Variants in ZBTB38 observed in about 807,000 individuals in gnomAD.
ZBTB38 encodes zinc finger and BTB domain-containing protein 38.
ZBTB38 carries 20 observed loss-of-function variants against 76.8 expected under a neutral mutation model. That is an observed-to-expected ratio of 0.26 (90% confidence interval 0.18 to 0.38). The LOEUF (loss-of-function observed/expected upper bound fraction) is 0.38, where lower values mean the gene tolerates loss of function less well. Ranked by LOEUF, ZBTB38 falls within the 10% of genes least tolerant of loss-of-function variation. The pLI is 1.00. For synonymous variants in ZBTB38, 504 were observed against 544.2 expected, an observed-to-expected ratio of 0.93 and a Z score of 1.03; for missense variants, 1,082 against 1,482.3, an observed-to-expected ratio of 0.73 and a Z score of 4.43.
At position 141,444,982 on chromosome 3, in the gene ZBTB38, G is replaced by A; in HGVS notation, c.2594G>A (p.Arg865Lys). The A allele has an allele frequency of 6.2e-7, 1 of 1,614,174 alleles. No individual in the cohort carries two copies. The highest frequency in any genetic ancestry group is 8.5e-7 in the Non-Finnish European group (1 of 1,180,034). The change falls in exon 6 of 6, where the codon AGA (arginine) becomes AAA (lysine). Residue 865 changes from arginine to lysine, a missense_variant. Physicochemically the swap from Arg to Lys is conservative, Grantham distance 26. Coordinates refer to ENST00000321464, the MANE Select transcript of ZBTB38 (RefSeq NM_001376113.1). This position sits in a 1 kb window ranked among gnomAD's most constrained non-coding sequence, Gnocchi z 5.1. ...GSKLFYKRGR[R>K]PKYQMQEEPL... ...AAATTGTTTTATAAAAGAGGGAGAA[G>A]ACCCAAGTATCAGATGCAGGAGGAG...
chr3:141,445,733 G>A lies in ZBTB38; in HGVS notation c.3345G>A (p.Arg1115=), dbSNP rs766851331. ...CCACCAAAAGGAATCACGAGCAGAG[G>A]CATATTCGGGAGCATAATGGGAAGG... is the stretch of plus-strand genomic sequence containing the variant. ...YLSTKRNHEQ[R]HIREHNGKGY... Residue 1115 remains arginine (R), a synonymous_variant, in exon 6 of 6, where the codon AGG becomes AGA. Transcript: ENST00000321464. The surrounding 1 kb of genome is among the most constrained non-coding windows in gnomAD (Gnocchi z 6.5). The A allele has an allele frequency of 6.2e-7, 1 of 1,614,206 alleles. No homozygotes were observed. Among genetic ancestry groups the A allele is most frequent in the South Asian group, 1.1e-5 (1 of 91,090 alleles).
At chr3:141,359,542 T>C (rs973018474) in intron 1 of ZBTB38, among the ~76,000 whole-genome samples, 6 of 152,180 alleles carry the variant, frequency 3.9e-5, no homozygotes, top group Admixed American at 6.5e-5. Flanking sequence ...AGATCCAGGA[T>C]AGTAGAGCAT....
intron 5 of ZBTB38, among the ~76,000 whole-genome samples, chr3:141,439,202 T>C (rs1165178704): frequency 6.6e-6 from 1 of 152,188 alleles, no homozygotes; most frequent in Non-Finnish European, 1.5e-5. Context: ...CTTGCCTTCC[T>C]CCTGTTCATA....
At chr3:141,362,380 G>A (rs1032472672) in intron 1 of ZBTB38, among the ~76,000 whole-genome samples, 2 of 152,048 alleles carry the variant, frequency 1.3e-5, no homozygotes, top group Non-Finnish European at 2.9e-5. Flanking sequence ...GATTCTCAGA[G>A]GTTATGATCT....
At chr3:141,399,987 C>CTTTTTTTTTTTT (rs557587979) in intron 4 of ZBTB38, among the ~76,000 whole-genome samples, 1 of 80,464 alleles carries the variant, frequency 1.2e-5, no homozygotes, top group African/African-American at 4.5e-5. Flanking sequence ...GAAAGTCTTG[C>CTTTTTTTTTTTT]TTTTTTTTTT....
At chr3:141,432,136 G>A (rs764214096) in intron 5 of ZBTB38, 12 of 985,342 alleles carry the variant, frequency 1.2e-5, no homozygotes, top group South Asian at 4.7e-5. Flanking sequence ...ATCCTTTGTC[G>A]GAAAACTTTC....
chr3:141,437,312 G>A (rs6806692), intron 5 of ZBTB38, among the ~76,000 whole-genome samples: 2,115 of 152,198 alleles, frequency 0.014, 74 homozygotes, highest in African/African-American at 0.049. Context: ...CTCAATTCCA[G>A]CAGCAGGATC....
chr3:141,402,507 C>CGCGGA (rs1952489327), intron 4 of ZBTB38: 1 of 148,984 alleles, frequency 6.7e-6, no homozygotes, highest in African/African-American at 2.5e-5. Context: ...CGAGGCGCGG[C>CGCGGA]CTGCGGGCGC....
Position 141,445,328 on chromosome 3 carries a change from C to G in ZBTB38, c.2940C>G (p.Pro980=). The G allele has an allele frequency of 6.2e-7, 1 of 1,614,088 alleles. No homozygotes were observed. Among genetic ancestry groups the G allele is most frequent in the Non-Finnish European group, 8.5e-7 (1 of 1,180,020 alleles). The change falls in exon 6 of 6, where the codon CCC becomes CCG. Residue 980 remains proline (P), a synonymous_variant. Coordinates refer to ENST00000321464, the MANE Select transcript of ZBTB38 (RefSeq NM_001376113.1). This position sits in a 1 kb window ranked among gnomAD's most constrained non-coding sequence, Gnocchi z 6.5. ...PFEEEETKEM[P]KLQCELCDGD... is the part of the protein sequence containing the mutation. ...AGGAAGAAGAAACTAAAGAGATGCC[C>G]AAGCTGCAGTGTGAACTCTGTGATG...
chr3:141,401,010 T>C (rs1455411480), intron 4 of ZBTB38, among the ~76,000 whole-genome samples: 1 of 152,148 alleles, frequency 6.6e-6, no homozygotes, highest in Non-Finnish European at 1.5e-5. Flanking sequence ...TCCATGTGCC[T>C]CAGTTTTCTT....
At chr3:141,383,536 A>G (rs1226036143) in intron 3 of ZBTB38, 1 of 152,204 alleles carries the variant, frequency 6.6e-6, no homozygotes, top group Non-Finnish European at 1.5e-5. Flanking sequence ...ATGTTTATAA[A>G]CCAAGTATTC....
At chr3:141,415,957 G>A (rs2073936689) in intron 5 of ZBTB38, among the ~76,000 whole-genome samples, 1 of 152,174 alleles carries the variant, frequency 6.6e-6, no homozygotes, top group Non-Finnish European at 1.5e-5. Context: ...TAATTATAAT[G>A]TAGGATTTTA....
At chr3:141,437,779 T>C (rs114119280) in intron 5 of ZBTB38, among the ~76,000 whole-genome samples, 122 of 152,336 alleles carry the variant, frequency 8.0e-4, no homozygotes, top group African/African-American at 2.8e-3. Context: ...ACTATCTGAA[T>C]ACCTCCCAGG....
chr3:141,435,334 A>T (rs555351859), intron 5 of ZBTB38, among the ~76,000 whole-genome samples: 1 of 152,290 alleles, frequency 6.6e-6, no homozygotes, highest in African/African-American at 2.4e-5. Flanking sequence ...GCTGAATTAT[A>T]TGTTCATCCT....
At chr3:141,399,834 G>C (rs771864814) in intron 4 of ZBTB38, among the ~76,000 whole-genome samples, 9 of 152,128 alleles carry the variant, frequency 5.9e-5, no homozygotes. Context: ...GCAGTTGTAG[G>C]ATAACAGAAA....
rs770798161 is a variant in ZBTB38, at chr3:141,445,340, T to C, written c.2952T>C (p.Cys984=). ...EETKEMPKLQ[C]ELCDGDKAVG... ...CTAAAGAGATGCCCAAGCTGCAGTGTGAACTCTGTGATGGAGACAAAGCAG... is the reference window on the plus strand; with the variant it reads ...CTAAAGAGATGCCCAAGCTGCAGTGCGAACTCTGTGATGGAGACAAAGCAG... The change falls in exon 6 of 6, where the codon TGT becomes TGC. Residue 984 remains cysteine (C), a synonymous_variant. Coordinates refer to ENST00000321464, the MANE Select transcript of ZBTB38 (RefSeq NM_001376113.1). This position sits in a 1 kb window ranked among gnomAD's most constrained non-coding sequence, Gnocchi z 6.5. 3.7e-6 allele frequency: 6 copies of C among 1,614,142 alleles called. No individual in the cohort carries two copies. Among genetic ancestry groups the C allele is most frequent in the Non-Finnish European group, 5.1e-6 (6 of 1,180,030 alleles).
At chr3:141,335,114 T>C (rs1354067175) in intron 1 of ZBTB38, among the ~76,000 whole-genome samples, 1 of 152,240 alleles carries the variant, frequency 6.6e-6, no homozygotes, top group Non-Finnish European at 1.5e-5. Context: ...GTGCTACCGG[T>C]CAGCCAGAAC....
chr3:141,441,772 C>T (rs921029043), intron 5 of ZBTB38, among the ~76,000 whole-genome samples: 1 of 151,920 alleles, frequency 6.6e-6, no homozygotes, highest in East Asian at 1.9e-4. Context: ...AAAAATTAGC[C>T]GGGCGTGGTG....
At chr3:141,415,844 C>T (rs369216137) in intron 5 of ZBTB38, among the ~76,000 whole-genome samples, 1 of 152,198 alleles carries the variant, frequency 6.6e-6, no homozygotes, top group African/African-American at 2.4e-5. Flanking sequence ...TCCACCATCT[C>T]CAGCCCCCAC....
Sources: allele counts gnomAD v4.1 joint callset (sites outside exome capture counted in the v4.1 genomes callset), GRCh38; gene constraint gnomAD v4.1.1; non-coding constraint Gnocchi (gnomAD v3.1); transcripts MANE v1.5; gene names NCBI Gene and HGNC (gene_info 2026-07-23, HGNC 2026-07-21).